YME1L1: variants seen among roughly 807,000 people sequenced by gnomAD.
YME1L1 encodes ATP-dependent zinc metalloprotease YME1L1.
In YME1L1, 39 loss-of-function variants were observed where a neutral mutation model predicts 90.4. The ratio of observed to expected loss-of-function variants is 0.43; its 90% CI spans 0.33 to 0.56. The LOEUF (loss-of-function observed/expected upper bound fraction) is 0.56. Ranked by LOEUF, YME1L1 falls within the 20% of genes least tolerant of loss-of-function variation. YME1L1 has a pLI of 0.03. For synonymous variants in YME1L1, 284 were observed against 287.3 expected (o/e 0.99, Z 0.12); for missense variants, 617 against 868.4 (o/e 0.71, Z 3.64).
At position 27,120,333 on chromosome 10, in the gene YME1L1, T is replaced by A. The variant is rs2056854018; in HGVS notation, c.1411+102A>T. On this transcript the variant is annotated intron_variant, in intron 13 of 18. Coordinates refer to ENST00000376016, the MANE Select transcript of YME1L1 (RefSeq NM_014263.4). The stretch of plus-strand genomic sequence containing the variant: ...GGAAAAAAAAAAGACAAAAATGAAC[T>A]GGTCTTTTAATGTTAATACATGTAT... 1.1e-5 allele frequency: 8 copies of A among 743,628 alleles called. No individual in the cohort carries two copies. In the East Asian group the frequency reaches 2.3e-4, roughly 21 times the overall value. The allele number at this position is 743,628 out of a possible 1,614,324, so 46.1% of individuals were successfully genotyped here.
At chr10:27,149,711 C>CAAAAAAA (rs58900380) in intron 1 of YME1L1, among the ~76,000 whole-genome samples, 4 of 32,374 alleles carry the variant, frequency 1.2e-4, no homozygotes, top group African/African-American at 1.6e-4. Context: ...ACCTGTCTCT[C>CAAAAAAA]AAAAAAAAAA....
chr10:27,142,866 C>A (rs1356659335), intron 3 of YME1L1, among the ~76,000 whole-genome samples: 1 of 152,076 alleles, frequency 6.6e-6, no homozygotes, highest in African/African-American at 2.4e-5. Context: ...CAGGCGCCCG[C>A]CACCATGCCC....
chr10:27,115,932 TAA>T, intron 17 of YME1L1, 126 bp downstream of exon 17: 2 of 845,956 alleles, frequency 2.4e-6, no homozygotes, highest in Non-Finnish European at 3.8e-6. Flanking sequence ...ATGTTCAGAA[TAA>T]AGAGCCTCAA....
chr10:27,119,143 C>T, intron 14 of YME1L1, 151 bp downstream of exon 14: 1 of 739,666 alleles, frequency 1.4e-6, no homozygotes, highest in Non-Finnish European at 2.0e-6. Context: ...TCATTTATTA[C>T]AAATCTTGAA....
intron 4 of YME1L1, among the ~76,000 whole-genome samples, chr10:27,139,297 A>C (rs866395118): frequency 2.0e-5 from 3 of 152,190 alleles, no homozygotes; most frequent in African/African-American, 7.2e-5. Context: ...GGGCTCAAGC[A>C]AACCTTTCAC....
chr10:27,147,540 A>C, intron 2 of YME1L1: 1 of 1,612,106 alleles, frequency 6.2e-7, no homozygotes, highest in Non-Finnish European at 8.5e-7. Context: ...TGTGCCAGTT[A>C]TCGGTTGTGT....
intron 13 of YME1L1, among the ~76,000 whole-genome samples, chr10:27,120,135 T>G (rs1277784594): frequency 2.6e-5 from 4 of 152,152 alleles, no homozygotes; most frequent in African/African-American, 4.8e-5. Context: ...TTAAATTATT[T>G]TGCATTTTAC....
At chr10:27,136,955 T>G (rs927142937) in intron 4 of YME1L1, among the ~76,000 whole-genome samples, 1 of 147,334 alleles carries the variant, frequency 6.8e-6, no homozygotes, top group African/African-American at 2.5e-5. Context: ...TAAAGGTAAA[T>G]AGAGAAGTCA....
intron 8 of YME1L1, among the ~76,000 whole-genome samples, 186 bp downstream of exon 8, chr10:27,131,673 T>C (rs1316083459): frequency 9.2e-5 from 14 of 152,230 alleles, no homozygotes; most frequent in Non-Finnish European, 1.8e-4. Context: ...TAAATTATAC[T>C]ATCCCCTGCC....
chr10:27,113,260 A>AAAAAAAAAAAAAAAAAAAAAAAAAAAAT (rs1564453902), intron 18 of YME1L1, among the ~76,000 whole-genome samples: 1 of 111,616 alleles, frequency 9.0e-6, no homozygotes, highest in African/African-American at 3.3e-5. Context: ...AAAAAAAAAA[A>AAAAAAAAAAAAAAAAAAAAAAAAAAAAT]AAAGACCTGC....
At chr10:27,132,150 G>A (rs761361239) in intron 7 of YME1L1, among the ~76,000 whole-genome samples, 13 of 152,116 alleles carry the variant, frequency 8.5e-5, no homozygotes, top group Non-Finnish European at 1.5e-4. Context: ...TACCAGGCTG[G>A]AGTGCAGCGG....
chr10:27,128,707 C>A (rs1219741992), intron 8 of YME1L1, among the ~76,000 whole-genome samples: 1 of 151,942 alleles, frequency 6.6e-6, no homozygotes, highest in Non-Finnish European at 1.5e-5. Flanking sequence ...GAGATCAAGA[C>A]CAGCCTGGGC....
At chr10:27,125,473 A>AAAAAC in intron 9 of YME1L1, among the ~76,000 whole-genome samples, 1 of 151,028 alleles carries the variant, frequency 6.6e-6, no homozygotes, top group East Asian at 1.9e-4. Flanking sequence ...AAAAAAAAAA[A>AAAAAC]AAAACAATAA....
intron 3 of YME1L1, 129 bp downstream of exon 3, chr10:27,145,299 A>C (rs1478822400): frequency 1.5e-4 from 112 of 763,468 alleles, no homozygotes; most frequent in East Asian, 6.0e-4. Flanking sequence ...CAAAAAAAAA[A>C]ACAAAAAAAA....
chr10:27,117,413 C>T (rs2056824503), intron 15 of YME1L1, among the ~76,000 whole-genome samples, 163 bp downstream of exon 15: 2 of 152,130 alleles, frequency 1.3e-5, no homozygotes, highest in Non-Finnish European at 2.9e-5. Context: ...ACTAAAATTA[C>T]AAAAATTAGC....
At chr10:27,134,757 T>C in intron 6 of YME1L1, 74 bp downstream of exon 6, 2 of 1,509,918 alleles carry the variant, frequency 1.3e-6, no homozygotes. Context: ...AAAAGTTACT[T>C]AAAACTTAAA....
chr10:27,122,891 C>T lies in YME1L1; in HGVS notation c.1185G>A (p.Met395Ile). 1.9e-6 allele frequency: 3 copies of T among 1,613,528 alleles called. No individual in the cohort carries two copies. Among genetic ancestry groups the T allele is most frequent in the Non-Finnish European group, 2.5e-6 (3 of 1,179,740 alleles). Residue 395 changes from methionine (M) to isoleucine (I), a missense_variant, in exon 11 of 19, where the codon ATG (methionine) becomes ATA (isoleucine). Coordinates refer to ENST00000376016, the MANE Select transcript of YME1L1 (RefSeq NM_014263.4). Reference protein sequence around the residue: ...SVGGKRIESPMHPYSRQTINQ... With the variant: ...SVGGKRIESPIHPYSRQTINQ... ...TTATGGTCTGCCTTGAATATGGATG[C>T]ATTGGAGATTCAATTCTCTTCCCAC...
In YME1L1 at chr10:27,123,559, T is replaced by G; in HGVS notation, c.1090A>C (p.Arg364=). The G allele has an allele frequency of 6.2e-7, 1 of 1,613,648 alleles. No individual in the cohort carries two copies. The highest frequency in any genetic ancestry group is 8.5e-7 in the Non-Finnish European group (1 of 1,179,788). The change falls in exon 10 of 19, where the codon AGA becomes CGA. Residue 364 remains arginine, a synonymous_variant. Coordinates refer to ENST00000376016, the MANE Select transcript of YME1L1 (RefSeq NM_014263.4). ...CACCAAAACGTACTAAAAAGATTTCTGATACGGCTGGCTCCCACACCCACA... is the reference window on the plus strand; with the variant it reads ...CACCAAAACGTACTAAAAAGATTTCGGATACGGCTGGCTCCCACACCCACA... The part of the protein sequence containing the change: ...MFVGVGASRI[R]NLFREAKANA...
intron 2 of YME1L1, chr10:27,147,134 T>G (rs1366934492): frequency 6.3e-6 from 3 of 478,096 alleles, no homozygotes; most frequent in Admixed American, 3.6e-5. Context: ...TGAAGAGCCA[T>G]GTTTGAATTT....
Sources: allele counts gnomAD v4.1 joint callset (sites outside exome capture counted in the v4.1 genomes callset), GRCh38; gene constraint gnomAD v4.1.1; transcripts MANE v1.5; gene names NCBI Gene and HGNC (gene_info 2026-07-23, HGNC 2026-07-21).